CSMD1: variants seen among roughly 807,000 people sequenced by gnomAD.
CSMD1 encodes CUB and Sushi multiple domains 1, also known as CUB and sushi domain-containing protein 1.
In CSMD1, 213 loss-of-function variants were observed where a neutral mutation model predicts 417.5. The ratio of observed to expected loss-of-function variants is 0.51; its 90% CI spans 0.46 to 0.57. The LOEUF (loss-of-function observed/expected upper bound fraction) is 0.57, where lower values mean the gene tolerates loss of function less well. Among genes scored for constraint, CSMD1 ranks in the 20% least tolerant of loss-of-function variants. CSMD1 has a pLI of 0.00. For missense variants in CSMD1, 6,923 were observed against 4,529.7 expected (o/e 1.53, Z -15.17); for synonymous variants, 2,862 against 1,736.8 (o/e 1.65, Z -16.11).
chr8:4,362,179 A>G (rs947722024), intron 3 of CSMD1, among the ~76,000 whole-genome samples: 4 of 152,214 alleles, frequency 2.6e-5, no homozygotes, highest in African/African-American at 9.6e-5. Context: ...TACAGTGAAG[A>G]AAAAGTCCAT....
intron 10 of CSMD1, among the ~76,000 whole-genome samples, chr8:3,573,274 G>T (rs1020189834): frequency 4.6e-5 from 7 of 152,236 alleles, no homozygotes; most frequent in African/African-American, 7.2e-5. Flanking sequence ...CTACTAAGTG[G>T]CAGAGCTGGT....
intron 10 of CSMD1, among the ~76,000 whole-genome samples, chr8:3,537,789 A>C (rs1207647404): frequency 2.0e-5 from 3 of 152,234 alleles, no homozygotes; most frequent in African/African-American, 7.2e-5. Flanking sequence ...CCAATTAAAG[A>C]GTCTCATCCA....
At chr8:3,787,159 G>T (rs1799496460) in intron 5 of CSMD1, among the ~76,000 whole-genome samples, 1 of 152,052 alleles carries the variant, frequency 6.6e-6, no homozygotes, top group African/African-American at 2.4e-5. Context: ...CATGTAATCA[G>T]GTAGCTTTCA....
At chr8:4,412,804 T>C (rs1169240178) in intron 3 of CSMD1, among the ~76,000 whole-genome samples, 1 of 152,156 alleles carries the variant, frequency 6.6e-6, no homozygotes, top group East Asian at 1.9e-4. Flanking sequence ...TATTTTTATT[T>C]AACTCACTCT....
At chr8:4,361,852 G>A (rs1016642774) in intron 3 of CSMD1, among the ~76,000 whole-genome samples, 1 of 152,126 alleles carries the variant, frequency 6.6e-6, no homozygotes, top group African/African-American at 2.4e-5. Context: ...CTATTTGGGA[G>A]GCTAAGGCAG....
At chr8:3,487,965 T>G (rs897342656) in intron 11 of CSMD1, among the ~76,000 whole-genome samples, 3 of 151,866 alleles carry the variant, frequency 2.0e-5, no homozygotes, top group African/African-American at 7.3e-5. Context: ...ATTTTATGAG[T>G]AATTTACTTT....
intron 5 of CSMD1, among the ~76,000 whole-genome samples, chr8:3,786,629 A>C (rs1799470676): frequency 6.6e-6 from 1 of 152,182 alleles, no homozygotes; most frequent in Non-Finnish European, 1.5e-5. Context: ...GCTTAAATCT[A>C]GCATCTTAGT....
At chr8:3,268,807 G>T (rs1801626021) in intron 26 of CSMD1, among the ~76,000 whole-genome samples, 1 of 152,056 alleles carries the variant, frequency 6.6e-6, no homozygotes, top group Non-Finnish European at 1.5e-5. Context: ...TTATGCCCAG[G>T]GTCCTGGGGG....
At chr8:3,755,598 C>T (rs866265767) in intron 5 of CSMD1, among the ~76,000 whole-genome samples, 3 of 152,090 alleles carry the variant, frequency 2.0e-5, no homozygotes, top group Admixed American at 1.3e-4. Flanking sequence ...CGATTTCCTA[C>T]GAAATGGGTC....
intron 25 of CSMD1, among the ~76,000 whole-genome samples, chr8:3,298,140 G>A (rs565987746): frequency 1.3e-5 from 2 of 152,266 alleles, no homozygotes; most frequent in South Asian, 4.1e-4. Flanking sequence ...CCCTCTCAGG[G>A]AGTGAGGGTA....
intron 3 of CSMD1, among the ~76,000 whole-genome samples, chr8:4,070,013 T>G (rs1404338045): frequency 6.6e-6 from 1 of 152,212 alleles, no homozygotes; most frequent in African/African-American, 2.4e-5. Context: ...TCAATGTTCT[T>G]AAGAATTTTT....
intron 1 of CSMD1, among the ~76,000 whole-genome samples, chr8:4,759,562 C>G (rs566138480): frequency 6.9e-6 from 1 of 145,092 alleles, no homozygotes; most frequent in South Asian, 2.1e-4. Flanking sequence ...CTCTCCCTTT[C>G]CCCGAACCAT....
chr8:4,702,284 G>A (rs973820448), intron 1 of CSMD1, among the ~76,000 whole-genome samples: 2 of 152,128 alleles, frequency 1.3e-5, no homozygotes, highest in Non-Finnish European at 2.9e-5. Flanking sequence ...AAATCAACAG[G>A]TTGCCTTGCT....
chr8:3,417,875 G>A (rs1270551345), intron 12 of CSMD1, among the ~76,000 whole-genome samples: 2 of 152,138 alleles, frequency 1.3e-5, no homozygotes, highest in Non-Finnish European at 2.9e-5. Flanking sequence ...GTATGGACGT[G>A]GCACATGCTC....
chr8:3,579,649 C>A (rs1193356929), intron 9 of CSMD1, among the ~76,000 whole-genome samples: 3 of 152,164 alleles, frequency 2.0e-5, no homozygotes, highest in Non-Finnish European at 4.4e-5. Flanking sequence ...CTTCACCACA[C>A]CTGGTTCCAG....
intron 1 of CSMD1, among the ~76,000 whole-genome samples, chr8:4,707,504 G>A (rs181664723): frequency 6.6e-5 from 10 of 152,278 alleles, no homozygotes; most frequent in Non-Finnish European, 1.2e-4. Context: ...GGAAATCAGC[G>A]TAGGAGTCCG....
intron 1 of CSMD1, among the ~76,000 whole-genome samples, chr8:4,971,139 G>A (rs114212216): frequency 0.011 from 1,668 of 151,576 alleles, 28 homozygotes; most frequent in African/African-American, 0.038. Context: ...TGAACCCTGG[G>A]GTCCCTTCCA....
intron 2 of CSMD1, among the ~76,000 whole-genome samples, chr8:4,420,279 G>C (rs1324889591): frequency 2.0e-5 from 3 of 152,060 alleles, no homozygotes; most frequent in East Asian, 1.9e-4. Context: ...AATAACTTGA[G>C]AGAATTTCTT....
At chr8:4,009,969 A>G (rs1816417947) in intron 4 of CSMD1, among the ~76,000 whole-genome samples, 1 of 152,122 alleles carries the variant, frequency 6.6e-6, no homozygotes, top group Admixed American at 6.5e-5. Flanking sequence ...TAAAAGATCT[A>G]CACATCTTAT....
Sources: allele counts gnomAD v4.1 joint callset (sites outside exome capture counted in the v4.1 genomes callset), GRCh38; gene constraint gnomAD v4.1.1; transcripts MANE v1.5; gene names NCBI Gene and HGNC (gene_info 2026-07-23, HGNC 2026-07-21).